PFKFB3: variants seen among roughly 807,000 people sequenced by gnomAD.
The protein encoded by PFKFB3 is 6-phosphofructo-2-kinase/fructose-2,6-bisphosphatase 3.
Under a neutral mutation model 68.0 loss-of-function variants are expected in PFKFB3, and 33 were observed. The observed-to-expected ratio is 0.49, with a 90% CI of 0.37 to 0.65. PFKFB3 has a LOEUF of 0.65. PFKFB3 is among the 30% of genes least tolerant of loss of function. The probability of loss-of-function intolerance (pLI) is 0.00; values close to 1 mark genes in which losing one functional copy is unlikely to be tolerated. For missense variants in PFKFB3, 586 were observed against 712.2 expected, an observed-to-expected ratio of 0.82 and a Z score of 2.02; for synonymous variants, 315 against 288.2, an observed-to-expected ratio of 1.09 and a Z score of -0.94.
At chr10:6,311,593 A>T in the PFKFB3 span, among the ~76,000 whole-genome samples, 2 of 152,068 alleles carry the variant, frequency 1.3e-5, no homozygotes, top group Non-Finnish European at 2.9e-5. Flanking sequence ...TACTAAAAAT[A>T]CAAAAATTAG....
chr10:6,198,971 C>T (rs922502355), upstream of PFKFB3, among the ~76,000 whole-genome samples: 1 of 152,162 alleles, frequency 6.6e-6, no homozygotes, highest in African/African-American at 2.4e-5. Flanking sequence ...TTTTCGAACC[C>T]CCAACATGAC....
chr10:6,236,972 T>G (rs1846026220), downstream of PFKFB3, among the ~76,000 whole-genome samples: 1 of 152,184 alleles, frequency 6.6e-6, no homozygotes, highest in Admixed American at 6.5e-5. Flanking sequence ...ACCAGTCGTT[T>G]CCATTCGCTG....
In PFKFB3 at chr10:6,233,212, G is replaced by A. The variant is rs1588552165; in HGVS notation, c.*270G>A. On this transcript the variant is annotated 3_prime_UTR_variant, in exon 15 of 15. Coordinates refer to ENST00000379775, the MANE Select transcript of PFKFB3 (RefSeq NM_004566.4). ...GGGTTTCCTAGGAATGTCCAGCCTC[G>A]GAGACCTTCACAAAGCCTTGGGAGG... 1.3e-5 allele frequency: 6 copies of A among 461,258 alleles called. No individual in the cohort carries two copies. Among genetic ancestry groups the A allele is most frequent in the East Asian group, 3.6e-5 (1 of 27,588 alleles). 28.6% of individuals were successfully genotyped at this position (461,258 alleles called of 1,614,324 possible). A position where few individuals can be genotyped will look rare whatever the true frequency, so the allele number is the denominator to read the frequency against.
intron 1 of PFKFB3, among the ~76,000 whole-genome samples, chr10:6,195,192 G>A (rs1328073001): frequency 2.0e-5 from 3 of 152,070 alleles, no homozygotes; most frequent in Middle Eastern, 3.2e-3. Flanking sequence ...TTTCATCCAC[G>A]CTTTGGAAGA....
chr10:6,253,900 C>T (rs1032949166), intron 14 of PFKFB3, among the ~76,000 whole-genome samples: 46 of 152,018 alleles, frequency 3.0e-4, no homozygotes, highest in African/African-American at 1.0e-3. Flanking sequence ...AAAAATTAGC[C>T]AGGCATGGTA....
intron 1 of PFKFB3, among the ~76,000 whole-genome samples, chr10:6,160,371 C>A (rs1841935268): frequency 6.6e-6 from 1 of 152,172 alleles, no homozygotes; most frequent in African/African-American, 2.4e-5. Context: ...ACCCTCTCTA[C>A]CTGAGGTCCA....
chr10:6,147,838 G>T (rs111467708), intron 1 of PFKFB3, among the ~76,000 whole-genome samples: 6 of 151,290 alleles, frequency 4.0e-5, no homozygotes, highest in East Asian at 1.9e-4. Context: ...ATACAGGGGA[G>T]CCTGACGGGG....
the PFKFB3 span, among the ~76,000 whole-genome samples, chr10:6,290,188 C>T: frequency 1.4e-3 from 210 of 152,034 alleles, 5 homozygotes; most frequent in East Asian, 0.038. Context: ...TAATTGAATA[C>T]CCTTTATTTC....
At chr10:6,302,772 A>G in the PFKFB3 span, among the ~76,000 whole-genome samples, 4 of 143,824 alleles carry the variant, frequency 2.8e-5, no homozygotes, top group South Asian at 2.2e-4. Context: ...ACACACACAC[A>G]CACACACATA....
chr10:6,176,017 T>C (rs567856747), intron 1 of PFKFB3, among the ~76,000 whole-genome samples: 2 of 152,194 alleles, frequency 1.3e-5, no homozygotes, highest in Admixed American at 6.5e-5. Flanking sequence ...CACAGAAGAA[T>C]GTTCACTGCG....
the PFKFB3 span, among the ~76,000 whole-genome samples, chr10:6,277,184 G>A: frequency 1.5e-4 from 23 of 152,054 alleles, no homozygotes; most frequent in African/African-American, 5.6e-4. Flanking sequence ...AAGGTGATTG[G>A]ATCATGGGGA....
rs781133966 is a variant in PFKFB3, at chr10:6,224,117, A to C, written c.1277-32A>C. 1.3e-5 allele frequency: 21 copies of C among 1,613,732 alleles called. No individual in the cohort carries two copies. The East Asian group carries it at 4.2e-4, about 33-fold the overall frequency. On this transcript the variant is annotated intron_variant, in intron 12 of 14. Transcript: ENST00000379775. ...TAAGCGGTGCTGTCCCTTTAACAGCAGCTTCCTCTGCCCCCATCCCACGCC... is the reference window on the plus strand; with the variant it reads ...TAAGCGGTGCTGTCCCTTTAACAGCCGCTTCCTCTGCCCCCATCCCACGCC...
the PFKFB3 span, among the ~76,000 whole-genome samples, chr10:6,319,282 TG>T: frequency 6.6e-6 from 1 of 152,234 alleles, no homozygotes; most frequent in African/African-American, 2.4e-5. Context: ...AGTGGATGAC[TG>T]GTTAAAGAAT....
rs1308107470 is a variant in PFKFB3 at position 6,234,097 on chromosome 10, C to T, written c.*1155C>T. The T allele has an allele frequency of 6.6e-6, 1 of 152,424 alleles. No homozygotes were observed. The highest frequency in any genetic ancestry group is 1.9e-4 in the East Asian group (1 of 5,330). 9.4% of individuals were successfully genotyped at this position (152,424 alleles called of 1,614,324 possible). A position where few individuals can be genotyped will look rare whatever the true frequency, so the allele number is the denominator to read the frequency against. ...ATGACACTTTTGTGGTGATGGAAAG[C>T]ATGGGACCTGTCGTCTCAGCCTGTT... On this transcript the variant is annotated 3_prime_UTR_variant, in exon 15 of 15. Coordinates refer to ENST00000379775, the MANE Select transcript of PFKFB3 (RefSeq NM_004566.4).
At chr10:6,237,973 A>G (rs1024700625), downstream of PFKFB3, among the ~76,000 whole-genome samples, 5 of 151,750 alleles carry the variant, frequency 3.3e-5, no homozygotes, top group African/African-American at 1.2e-4. Context: ...CAGTCAATTC[A>G]TTGATGGTCT....
chr10:6,305,829 G>A, the PFKFB3 span, among the ~76,000 whole-genome samples: 4 of 152,150 alleles, frequency 2.6e-5, no homozygotes, highest in Non-Finnish European at 4.4e-5. Flanking sequence ...CACTTTAAAC[G>A]TAAATATCCA....
chr10:6,297,040 C>CTGTA, the PFKFB3 span, among the ~76,000 whole-genome samples: 1 of 152,204 alleles, frequency 6.6e-6, no homozygotes, highest in Non-Finnish European at 1.5e-5. Context: ...ACCAACCATG[C>CTGTA]TGTAGGGAAA....
intron 1 of PFKFB3, among the ~76,000 whole-genome samples, chr10:6,169,028 T>TC: frequency 1.6e-5 from 2 of 122,594 alleles, no homozygotes; most frequent in Non-Finnish European, 3.7e-5. Context: ...CACTGCAACC[T>TC]CCCCCTGGTT....
chr10:6,287,961 T>C, the PFKFB3 span, among the ~76,000 whole-genome samples: 122 of 152,334 alleles, frequency 8.0e-4, no homozygotes, highest in African/African-American at 2.9e-3. Flanking sequence ...GGCAGTTCTA[T>C]TGGAGACAGA....
Sources: gnomAD v4.1 joint callset for allele counts (sites outside exome capture counted in the v4.1 genomes callset) on GRCh38, gnomAD v4.1.1 for gene constraint, MANE v1.5 for transcripts, NCBI Gene and HGNC (gene_info 2026-07-23, HGNC 2026-07-21) for gene names.